The following NAV3 variants were observed in gnomAD, a reference collection of about 807,000 sequenced individuals.
NAV3 encodes the protein neuron navigator 3.
A neutral mutation model predicts 244.7 loss-of-function variants in NAV3; 87 were observed. The observed-to-expected ratio is 0.36, with a 90% CI of 0.30 to 0.42. The LOEUF is 0.42. Among genes scored for constraint, NAV3 ranks in the 20% least tolerant of loss-of-function variants. The pLI, the probability that NAV3 is intolerant of heterozygous loss-of-function variation, is 1.00. For missense variants in NAV3, 2,663 were observed against 2,893.3 expected (o/e 0.92, Z 1.83); for synonymous variants, 1,126 against 1,042.2 (o/e 1.08, Z -1.55).
intron 8 of NAV3, among the ~76,000 whole-genome samples, chr12:78,019,943 C>G (rs1039728651): frequency 1.3e-5 from 2 of 152,016 alleles, no homozygotes; most frequent in South Asian, 2.1e-4. Flanking sequence ...ATTAGACAGT[C>G]TTTATATACA....
chr12:77,798,781 C>A (rs1243924692), intron 2 of NAV3, among the ~76,000 whole-genome samples: 8 of 152,068 alleles, frequency 5.3e-5, no homozygotes, highest in African/African-American at 1.9e-4. Flanking sequence ...GTGTTTATTA[C>A]CTCTGTTGAT....
At chr12:78,160,576 G>A (rs1467823846) in intron 23 of NAV3, among the ~76,000 whole-genome samples, 1 of 152,042 alleles carries the variant, frequency 6.6e-6, no homozygotes, top group African/African-American at 2.4e-5. Flanking sequence ...TTTAGATTCT[G>A]TAAGTTATGT....
chr12:78,078,873 T>C (rs1162908792), intron 12 of NAV3, among the ~76,000 whole-genome samples: 2 of 152,222 alleles, frequency 1.3e-5, no homozygotes, highest in Non-Finnish European at 1.5e-5. Flanking sequence ...ATCATCTGAA[T>C]ACTTAACCAC....
Position 78,064,426 on chromosome 12 carries a change from T to TCTGCCTGCCTGC in NAV3, c.2636+5339_2636+5350dup, listed in dbSNP as rs1555273018. Among the ~76,000 whole-genome samples, 1,039 of 136,272 alleles carry TCTGCCTGCCTGC rather than the reference T, an allele frequency of 7.6e-3. 12 individuals carry two copies. Among genetic ancestry groups the TCTGCCTGCCTGC allele is most frequent in the South Asian group, 0.028 (108 of 3,808 alleles). The allele number at this position is 136,272 out of a possible 152,430, so 89.4% of individuals were successfully genotyped here. Reference sequence around the variant, plus strand: ...GTCTGTCTGTCTGTCTGTCTGTCTGTCTGCCTGCCTGCCTGCCTGCCTGCC... The same window carrying TCTGCCTGCCTGC: ...GTCTGTCTGTCTGTCTGTCTGTCTGTCTGCCTGCCTGCCTGCCTGCCTGCCTGCCTGCCTGCC... On this transcript the variant is annotated intron_variant, in intron 12 of 39. Coordinates refer to ENST00000397909, the MANE Select transcript of NAV3 (RefSeq NM_001024383.2).
chr12:77,941,472 G>C (rs1185184667), intron 3 of NAV3, among the ~76,000 whole-genome samples: 1 of 152,116 alleles, frequency 6.6e-6, no homozygotes, highest in African/African-American at 2.4e-5. Flanking sequence ...TAAAGAACAG[G>C]CTTTGCCATG....
At chr12:78,175,551 C>A in intron 25 of NAV3, 124 bp downstream of exon 25, 1 of 1,226,552 alleles carries the variant, frequency 8.2e-7, no homozygotes, top group Non-Finnish European at 1.1e-6. Context: ...ACTGAGACCT[C>A]AAATGCTGCA....
rs17044598 is a variant in NAV3 at position 77,954,435 on chromosome 12, G to C, written c.415-11794G>C. On this transcript the variant is annotated intron_variant, in intron 3 of 39. Transcript: ENST00000397909. ...GCTCATTGCAGAAAGACAGGTTTAA[G>C]TTTTAGTTCTGGCTCTGCTCCTCAT... Among the ~76,000 whole-genome samples, 1,219 of 152,286 alleles carry C rather than the reference G, an allele frequency of 8.0e-3. 14 individuals are homozygous for C. The highest frequency in any genetic ancestry group is 0.028 in the African/African-American group (1,148 of 41,572).
At chr12:77,994,944 C>A in intron 6 of NAV3, 73 bp downstream of exon 6, 3 of 946,416 alleles carry the variant, frequency 3.2e-6, no homozygotes, top group Non-Finnish European at 4.6e-6. Flanking sequence ...TTTGTCCTAT[C>A]TTTTTTTTTT....
chr12:77,819,292 T>A (rs923666453), intron 2 of NAV3, among the ~76,000 whole-genome samples: 4 of 151,936 alleles, frequency 2.6e-5, no homozygotes, highest in African/African-American at 9.7e-5. Flanking sequence ...CTCAACTGAA[T>A]ATTAACATAA....
intron 34 of NAV3, among the ~76,000 whole-genome samples, chr12:78,192,944 TA>T (rs1319047132): frequency 6.6e-6 from 1 of 151,736 alleles, no homozygotes; most frequent in Admixed American, 6.6e-5. Context: ...AGGATAAATA[TA>T]AAAAAAGAGG....
chr12:77,770,492 A>C (rs1870023121), intron 2 of NAV3, among the ~76,000 whole-genome samples: 1 of 152,148 alleles, frequency 6.6e-6, no homozygotes, highest in Admixed American at 6.6e-5. Context: ...TTTTGCCTAA[A>C]CTTCTTTAGA....
intron 12 of NAV3, among the ~76,000 whole-genome samples, chr12:78,061,061 G>A (rs1398412999): frequency 6.6e-6 from 1 of 152,106 alleles, no homozygotes; most frequent in Non-Finnish European, 1.5e-5. Context: ...TTAAAGTGTG[G>A]TACCTGGACC....
At chr12:77,724,491 T>A (rs563055219) in intron 2 of NAV3, among the ~76,000 whole-genome samples, 2 of 152,090 alleles carry the variant, frequency 1.3e-5, no homozygotes, top group East Asian at 3.9e-4. Flanking sequence ...ATATCTCAAG[T>A]GCTCAATAAT....
intron 12 of NAV3, among the ~76,000 whole-genome samples, chr12:78,106,572 A>G (rs1262952578): frequency 6.6e-6 from 1 of 152,230 alleles, no homozygotes; most frequent in Non-Finnish European, 1.5e-5. Flanking sequence ...TCTATAATTC[A>G]AATGGAAATG....
intron 2 of NAV3, among the ~76,000 whole-genome samples, chr12:77,637,219 T>C (rs141489323): frequency 1.3e-5 from 2 of 150,998 alleles, no homozygotes; most frequent in African/African-American, 2.4e-5. Flanking sequence ...AAAAAAAAAA[T>C]GACCATAGCA....
chr12:78,023,302 C>T (rs1398035932), intron 9 of NAV3, among the ~76,000 whole-genome samples: 1 of 152,070 alleles, frequency 6.6e-6, no homozygotes, highest in Non-Finnish European at 1.5e-5. Flanking sequence ...TGATGTTTTT[C>T]TCCACTTCCT....
intron 2 of NAV3, among the ~76,000 whole-genome samples, chr12:77,722,771 G>A (rs1283191041): frequency 2.6e-5 from 4 of 151,950 alleles, no homozygotes; most frequent in African/African-American, 9.7e-5. Context: ...TTATATTATG[G>A]CATTATTGAT....
intron 12 of NAV3, among the ~76,000 whole-genome samples, chr12:78,097,544 C>T (rs1027803821): frequency 6.6e-6 from 1 of 152,084 alleles, no homozygotes; most frequent in Non-Finnish European, 1.5e-5. Context: ...TGTTCCTCAC[C>T]AAGGCGATGT....
intron 2 of NAV3, among the ~76,000 whole-genome samples, chr12:77,574,511 T>G (rs1478699723): frequency 6.6e-6 from 1 of 152,106 alleles, no homozygotes; most frequent in Non-Finnish European, 1.5e-5. Flanking sequence ...ACTTCAAGTG[T>G]TTATAGTCCT....
Sources: allele counts gnomAD v4.1 joint callset (sites outside exome capture counted in the v4.1 genomes callset), GRCh38; gene constraint gnomAD v4.1.1; transcripts MANE v1.5; gene names NCBI Gene and HGNC (gene_info 2026-07-23, HGNC 2026-07-21).